ZBTB7C: variants seen among roughly 807,000 people sequenced by gnomAD.
ZBTB7C encodes zinc finger and BTB domain-containing protein 7C.
In ZBTB7C, 8 loss-of-function variants were observed where a neutral mutation model predicts 25.7. The observed-to-expected ratio is 0.31, with a 90% CI of 0.18 to 0.56. The LOEUF (loss-of-function observed/expected upper bound fraction) is 0.56. Among genes scored for constraint, ZBTB7C ranks in the 20% least tolerant of loss-of-function variants. ZBTB7C has a pLI of 0.91. For missense variants in ZBTB7C, 824 were observed against 855.2 expected (o/e 0.96, Z 0.46); for synonymous variants, 394 against 369.0 (o/e 1.07, Z -0.78).
chr18:48,336,646 G>A (rs2046464170), intron 2 of ZBTB7C, among the ~76,000 whole-genome samples: 2 of 152,188 alleles, frequency 1.3e-5, no homozygotes, highest in Admixed American at 1.3e-4. Context: ...GCGCTTGACA[G>A]ACCCAGTCCC....
chr18:48,101,622 C>T (rs1433364869), intron 3 of ZBTB7C, among the ~76,000 whole-genome samples: 1 of 152,184 alleles, frequency 6.6e-6, no homozygotes, highest in Non-Finnish European at 1.5e-5. Flanking sequence ...ACATACTTTT[C>T]ATTTAACACT....
intron 3 of ZBTB7C, among the ~76,000 whole-genome samples, chr18:48,135,796 G>T (rs1049600556): frequency 6.6e-6 from 1 of 152,206 alleles, no homozygotes; most frequent in African/African-American, 2.4e-5. Flanking sequence ...GAAACTGCTC[G>T]ATTGTTTCAA....
chr18:48,389,222 CTCTCTCTCTCTCTCGT>C (rs1303902816), intron 1 of ZBTB7C, among the ~76,000 whole-genome samples: 22 of 126,796 alleles, frequency 1.7e-4, no homozygotes, highest in Middle Eastern at 3.8e-3. Context: ...CTCTCTCTCT[CTCTCTCTCTCTCTCGT>C]GTGTGTGTGT....
At chr18:48,239,965 AATAAT>A (rs1023361322) in intron 2 of ZBTB7C, among the ~76,000 whole-genome samples, 4 of 152,144 alleles carry the variant, frequency 2.6e-5, no homozygotes, top group Admixed American at 6.5e-5. Flanking sequence ...AAATTTTAAA[AATAAT>A]ATAAGATATG....
chr18:48,221,129 T>C (rs1327019013), intron 2 of ZBTB7C, among the ~76,000 whole-genome samples: 1 of 151,202 alleles, frequency 6.6e-6, no homozygotes, highest in African/African-American at 2.4e-5. Flanking sequence ...GTCTCCTCTA[T>C]ACTGTCCTAT....
intron 1 of ZBTB7C, among the ~76,000 whole-genome samples, chr18:48,356,289 G>A (rs188310457): frequency 6.6e-6 from 1 of 152,280 alleles, no homozygotes; most frequent in East Asian, 1.9e-4. Context: ...AGCCTGAAGT[G>A]CTATCATGCC....
intron 2 of ZBTB7C, among the ~76,000 whole-genome samples, chr18:48,189,481 C>G (rs889190902): frequency 1.3e-5 from 2 of 152,116 alleles, no homozygotes; most frequent in Non-Finnish European, 2.9e-5. Flanking sequence ...GGACAAGCCT[C>G]GTCCCCTCTG....
At chr18:48,133,543 CA>C (rs2040052062) in intron 3 of ZBTB7C, among the ~76,000 whole-genome samples, 1 of 151,796 alleles carries the variant, frequency 6.6e-6, no homozygotes, top group African/African-American at 2.4e-5. Context: ...ATTTATTAAG[CA>C]ATAACATGCA....
At chr18:48,255,937 A>C (rs761821084) in intron 2 of ZBTB7C, among the ~76,000 whole-genome samples, 1 of 152,206 alleles carries the variant, frequency 6.6e-6, no homozygotes, top group Non-Finnish European at 1.5e-5. Context: ...ACATAGCAAG[A>C]GAGGTTATCC....
intron 3 of ZBTB7C, among the ~76,000 whole-genome samples, chr18:48,103,072 T>A (rs2038893603): frequency 7.1e-6 from 1 of 141,004 alleles, no homozygotes; most frequent in Non-Finnish European, 1.5e-5. Flanking sequence ...ATATATATAT[T>A]TTATATTATA....
At chr18:48,232,053 G>A (rs981294181) in intron 2 of ZBTB7C, among the ~76,000 whole-genome samples, 14 of 152,366 alleles carry the variant, frequency 9.2e-5, no homozygotes, top group South Asian at 2.1e-4. Flanking sequence ...CTTGGCAGGC[G>A]TGGGATCCAG....
At chr18:48,081,012 C>G (rs2037962350) in intron 3 of ZBTB7C, among the ~76,000 whole-genome samples, 1 of 152,270 alleles carries the variant, frequency 6.6e-6, no homozygotes, top group African/African-American at 2.4e-5. Context: ...GAGCCTGACA[C>G]TGGCCAGCCA....
rs1312600030 is a variant in ZBTB7C at position 48,028,528 on chromosome 18, C to T, written c.*732G>A. 1 of 152,214 alleles carries T rather than the reference C, an allele frequency of 6.6e-6. No homozygotes were observed. Among genetic ancestry groups the T allele is most frequent in the Non-Finnish European group, 1.5e-5 (1 of 68,046 alleles). The allele number at this position is 152,214 out of a possible 1,614,324, so 9.4% of individuals were successfully genotyped here. ...CATGGACTTGGGGAGTACAAAGCTT[C>T]TACCATCTCTGTGATTCTCTGGGGG... On this transcript the variant is annotated 3_prime_UTR_variant, in exon 5 of 5. Transcript: ENST00000590800.
chr18:48,281,004 C>G (rs906940914), intron 2 of ZBTB7C, among the ~76,000 whole-genome samples: 1 of 152,126 alleles, frequency 6.6e-6, no homozygotes. Flanking sequence ...CAGGTGCCTG[C>G]CACCATGCCC....
upstream of ZBTB7C, among the ~76,000 whole-genome samples, chr18:48,409,726 C>T (rs1171770832): frequency 6.6e-6 from 1 of 152,040 alleles, no homozygotes; most frequent in African/African-American, 2.4e-5. Context: ...AGTCAGGACC[C>T]GACGCGGAGG....
chr18:48,059,341 T>G (rs2037039176), intron 3 of ZBTB7C, among the ~76,000 whole-genome samples: 1 of 152,102 alleles, frequency 6.6e-6, no homozygotes, highest in African/African-American at 2.4e-5. Context: ...CAGCTTCCTA[T>G]TTGCAAACAG....
chr18:48,107,301 TGAGGAGGGATGG>T (rs141310268), intron 3 of ZBTB7C, among the ~76,000 whole-genome samples: 25,332 of 127,914 alleles, frequency 0.2, 2,342 homozygotes, highest in Non-Finnish European at 0.24. Flanking sequence ...TGAGGAGGAG[TGAGGAGGGATGG>T]GAGGAGGGTG....
At chr18:48,060,573 A>C (rs1003305140) in intron 3 of ZBTB7C, among the ~76,000 whole-genome samples, 1 of 152,074 alleles carries the variant, frequency 6.6e-6, no homozygotes, top group Non-Finnish European at 1.5e-5. Context: ...GGCCTTGCCC[A>C]TTCCGCCTCC....
At position 48,061,736 on chromosome 18, in the gene ZBTB7C, C is replaced by T. The variant is rs114189954; in HGVS notation, c.-16-20613G>A. 3.9e-3 allele frequency among the ~76,000 whole-genome samples: 592 copies of T among 152,318 alleles called. 5 individuals carry two copies. The highest frequency in any genetic ancestry group is 0.013 in the African/African-American group (556 of 41,568). The stretch of plus-strand genomic sequence containing the variant: ...TTTCAAAAGCATGGAGCCCACTGGA[C>T]GGGAATGTAAGTTCCTTGAGAATGA... On this transcript the variant is annotated intron_variant, in intron 3 of 4. Coordinates refer to ENST00000590800, the MANE Select transcript of ZBTB7C (RefSeq NM_001318841.2).
Sources: gnomAD v4.1 joint callset for allele counts (sites outside exome capture counted in the v4.1 genomes callset) on GRCh38, gnomAD v4.1.1 for gene constraint, MANE v1.5 for transcripts, NCBI Gene and HGNC (gene_info 2026-07-23, HGNC 2026-07-21) for gene names.